Variants in GPM6B observed in about 807,000 individuals in gnomAD.
GPM6B encodes the protein glycoprotein M6B.
GPM6B carries 4 observed loss-of-function variants against 27.2 expected under a neutral mutation model. The observed-to-expected ratio is 0.15, with a 90% CI of 0.07 to 0.34. The LOEUF is 0.34. Ranked by LOEUF, GPM6B falls within the 10% of genes least tolerant of loss-of-function variation. The pLI is 1.00. For missense variants in GPM6B, 183 were observed against 261.9 expected (o/e 0.70, Z 2.08); for synonymous variants, 124 against 103.1 (o/e 1.20, Z -1.23).
At chrX:13,881,572 T>C (rs2050098620) in intron 1 of GPM6B, among the ~76,000 whole-genome samples, 1 of 83,808 alleles carries the variant, frequency 1.2e-5, no homozygotes, top group Non-Finnish European at 2.3e-5. Context: ...GATGATTTAA[T>C]AGCTAATGCT....
intron 1 of GPM6B, among the ~76,000 whole-genome samples, chrX:13,814,543 T>C (rs1351634740): frequency 8.9e-6 from 1 of 112,430 alleles, no homozygotes; most frequent in Non-Finnish European, 1.9e-5. Flanking sequence ...TTAATTTCAA[T>C]GGAAAAATAA....
intron 1 of GPM6B, among the ~76,000 whole-genome samples, chrX:13,904,192 T>C (rs2050307332): frequency 8.9e-6 from 1 of 112,373 alleles, no homozygotes; most frequent in Non-Finnish European, 1.9e-5. Flanking sequence ...TTTATATAAA[T>C]GTAGAATACA....
chrX:13,838,211 T>C (rs769084604), intron 1 of GPM6B, among the ~76,000 whole-genome samples: 22 of 111,745 alleles, frequency 2.0e-4, no homozygotes, highest in Non-Finnish European at 7.5e-5. Context: ...CATGCGTACC[T>C]TTCTCAAAGG....
chrX:13,848,650 G>A (rs2049678440), intron 1 of GPM6B, among the ~76,000 whole-genome samples: 1 of 112,137 alleles, frequency 8.9e-6, no homozygotes, highest in South Asian at 3.7e-4. Flanking sequence ...CTCATACACT[G>A]AATATAAAAT....
intron 1 of GPM6B, among the ~76,000 whole-genome samples, chrX:13,869,248 T>G (rs2049950443): frequency 9.0e-6 from 1 of 111,386 alleles, no homozygotes; most frequent in Non-Finnish European, 1.9e-5. Flanking sequence ...ATGATTCAAT[T>G]TAAAATAAAT....
At position 13,935,758 on chromosome X, in the gene GPM6B, GTGTGTC is replaced by G. The variant is rs769070741; in HGVS notation, c.-198+2563_-198+2568del. 2.0e-3 allele frequency among the ~76,000 whole-genome samples: 230 copies of G among 112,448 alleles called. 1 individual carries two copies. Among genetic ancestry groups the G allele is most frequent in the Middle Eastern group, 4.6e-3 (1 of 218 alleles). The stretch of plus-strand genomic sequence containing the variant: ...AACCAGAGTTAACACTGAAGGGTGT[GTGTGTC>G]TGTGTGCTGTGTGTGTGCACTCTCA... On this transcript the variant is annotated intron_variant, in intron 1 of 6. Coordinates refer to the GPM6B transcript ENST00000398361.
At chrX:13,832,016 C>A (rs951792396) in intron 1 of GPM6B, among the ~76,000 whole-genome samples, 1 of 111,797 alleles carries the variant, frequency 8.9e-6, no homozygotes, top group African/African-American at 3.2e-5. Context: ...TGGTTAAGAT[C>A]TTTTCATGAA....
chrX:13,800,511 T>C (rs1302940388), intron 2 of GPM6B, among the ~76,000 whole-genome samples: 1 of 112,743 alleles, frequency 8.9e-6, no homozygotes, highest in Admixed American at 9.4e-5. Flanking sequence ...TGTTTTTGCA[T>C]TGGCTCTTAT....
chrX:13,842,422 G>A (rs1055643835), intron 1 of GPM6B, among the ~76,000 whole-genome samples: 4 of 111,568 alleles, frequency 3.6e-5, no homozygotes, highest in East Asian at 2.8e-4. Flanking sequence ...ACATTACGTC[G>A]GTAGGAGCTC....
At chrX:13,877,688 T>C (rs778157291) in intron 1 of GPM6B, among the ~76,000 whole-genome samples, 5 of 106,905 alleles carry the variant, frequency 4.7e-5, no homozygotes, top group African/African-American at 1.7e-4. Flanking sequence ...TAGCCAGGCA[T>C]GGTGGTACAT....
intron 1 of GPM6B, among the ~76,000 whole-genome samples, chrX:13,909,870 T>A (rs1488337129): frequency 8.9e-6 from 1 of 111,763 alleles, no homozygotes; most frequent in Non-Finnish European, 1.9e-5. Flanking sequence ...TGAGCTAAGC[T>A]TTCTGTATCC....
intron 1 of GPM6B, among the ~76,000 whole-genome samples, chrX:13,853,838 T>C (rs150506591): frequency 0.016 from 1,789 of 111,120 alleles, 20 homozygotes; most frequent in Non-Finnish European, 0.025. Context: ...GAAGGAAAGG[T>C]GTTCAGCATA....
At chrX:13,785,460 G>A (rs773260779) in intron 3 of GPM6B, among the ~76,000 whole-genome samples, 162 bp downstream of exon 3, 3 of 110,363 alleles carry the variant, frequency 2.7e-5, no homozygotes, top group Non-Finnish European at 5.7e-5. Flanking sequence ...ATTTTTTTTT[G>A]TATTTTTAGT....
At chrX:13,877,622 G>C (rs1424511593) in intron 1 of GPM6B, among the ~76,000 whole-genome samples, 1 of 106,811 alleles carries the variant, frequency 9.4e-6, no homozygotes, top group Admixed American at 1.0e-4. Flanking sequence ...AGGAGTTCAA[G>C]ACCAGCCTGA....
intron 1 of GPM6B, among the ~76,000 whole-genome samples, chrX:13,844,303 ATT>A (rs779418257): frequency 8.9e-6 from 1 of 112,584 alleles, no homozygotes; most frequent in Non-Finnish European, 1.9e-5. Flanking sequence ...AGTTTTGGCT[ATT>A]TTGGCATTGC....
intron 1 of GPM6B, among the ~76,000 whole-genome samples, chrX:13,809,346 C>A (rs915544102): frequency 8.9e-6 from 1 of 112,066 alleles, no homozygotes; most frequent in African/African-American, 3.3e-5. Context: ...AACAGTTAAC[C>A]CAATGAGAGT....
In GPM6B at chrX:13,923,544, G is replaced by A. The variant is rs776791307; in HGVS notation, c.-198+14783C>T. Reference sequence around the variant, plus strand: ...CAGCCCAAGTGCTGGCCCCTTCTTCGCAGGGTGAGCAGCTATGTAAAATCT... The same window carrying A: ...CAGCCCAAGTGCTGGCCCCTTCTTCACAGGGTGAGCAGCTATGTAAAATCT... On this transcript the variant is annotated intron_variant, in intron 1 of 6. Coordinates refer to the GPM6B transcript ENST00000398361. 4.4e-5 allele frequency among the ~76,000 whole-genome samples: 5 copies of A among 112,415 alleles called. No individual in the cohort carries two copies. In the East Asian group the frequency reaches 1.1e-3, roughly 25 times the overall value.
chrX:13,793,669 T>C (rs771507427), intron 2 of GPM6B, among the ~76,000 whole-genome samples: 17 of 112,401 alleles, frequency 1.5e-4, no homozygotes, highest in Non-Finnish European at 2.6e-4. Flanking sequence ...TTCTCCATTT[T>C]TCCTACACAT....
chrX:13,897,455 C>T (rs5935677), intron 1 of GPM6B, among the ~76,000 whole-genome samples: 38,785 of 110,813 alleles, frequency 0.35, 5,405 homozygotes, highest in East Asian at 0.83. Flanking sequence ...TTATCTCTTG[C>T]TACTGTTTTA....
Sources: allele counts gnomAD v4.1 joint callset (sites outside exome capture counted in the v4.1 genomes callset), GRCh38; gene constraint gnomAD v4.1.1; transcripts MANE v1.5; gene names NCBI Gene and HGNC (gene_info 2026-07-23, HGNC 2026-07-21).